Variants in CNTNAP2 observed in about 807,000 individuals in gnomAD.
CNTNAP2 encodes contactin associated protein 2, also known as contactin-associated protein-like 2.
In CNTNAP2, 98 loss-of-function variants were observed where a neutral mutation model predicts 155.2. That is an observed-to-expected ratio of 0.63 (90% CI 0.54 to 0.75). The LOEUF (loss-of-function observed/expected upper bound fraction) is 0.75, where lower values mean the gene tolerates loss of function less well. Ranked by LOEUF, CNTNAP2 falls within the 30% of genes least tolerant of loss-of-function variation. CNTNAP2 has a pLI of 0.00. For missense variants in CNTNAP2, 1,727 were observed against 1,688.1 expected (o/e 1.02, Z -0.40); for synonymous variants, 651 against 631.2 (o/e 1.03, Z -0.47).
At chr7:147,242,969 T>TTCCAC (rs1428592348) in intron 8 of CNTNAP2, among the ~76,000 whole-genome samples, 1 of 147,678 alleles carries the variant, frequency 6.8e-6, no homozygotes, top group Non-Finnish European at 1.5e-5. Context: ...GAATGTTGTA[T>TTCCAC]TCCACACTAT....
intron 11 of CNTNAP2, among the ~76,000 whole-genome samples, chr7:147,524,423 T>A (rs941053592): frequency 6.6e-6 from 1 of 152,196 alleles, no homozygotes; most frequent in African/African-American, 2.4e-5. Flanking sequence ...GGCTCTGTTA[T>A]GCCCTGGCAC....
At chr7:146,417,151 A>T (rs1452890080) in intron 1 of CNTNAP2, among the ~76,000 whole-genome samples, 1 of 152,130 alleles carries the variant, frequency 6.6e-6, no homozygotes, top group Non-Finnish European at 1.5e-5. Flanking sequence ...AGGCACTTTA[A>T]TTCTTGTCCA....
intron 15 of CNTNAP2, among the ~76,000 whole-genome samples, chr7:148,089,796 C>T (rs976813673): frequency 6.6e-5 from 10 of 151,620 alleles, no homozygotes; most frequent in Admixed American, 1.3e-4. Context: ...TCCTAAAATT[C>T]GTATGGAACC....
chr7:146,509,020 A>G (rs73741726), intron 1 of CNTNAP2, among the ~76,000 whole-genome samples: 3,807 of 152,224 alleles, frequency 0.025, 137 homozygotes, highest in African/African-American at 0.075. Flanking sequence ...AGCACCCTGC[A>G]CACAGATTGA....
At chr7:147,508,898 C>T (rs149237088) in intron 11 of CNTNAP2, among the ~76,000 whole-genome samples, 132 of 152,280 alleles carry the variant, frequency 8.7e-4, no homozygotes, top group Admixed American at 1.4e-3. Flanking sequence ...TTATAAATTA[C>T]TCAGTCTCGG....
intron 1 of CNTNAP2, among the ~76,000 whole-genome samples, chr7:146,677,238 A>G (rs1800416417): frequency 6.6e-6 from 1 of 152,310 alleles, no homozygotes; most frequent in East Asian, 1.9e-4. Context: ...TCCAGGTTAT[A>G]GGTGGATACA....
chr7:146,141,080 T>A (rs929443083), intron 1 of CNTNAP2, among the ~76,000 whole-genome samples: 7 of 152,224 alleles, frequency 4.6e-5, no homozygotes, highest in Admixed American at 3.9e-4. Context: ...ACTAATTTTC[T>A]AAATATAACT....
intron 9 of CNTNAP2, among the ~76,000 whole-genome samples, chr7:147,332,075 T>C (rs1795580398): frequency 6.6e-6 from 1 of 152,202 alleles, no homozygotes; most frequent in African/African-American, 2.4e-5. Flanking sequence ...AATGAGAACA[T>C]TGTTATTTGC....
At chr7:148,395,008 G>A (rs886972) in intron 22 of CNTNAP2, among the ~76,000 whole-genome samples, 26,347 of 151,862 alleles carry the variant, frequency 0.17, 2,469 homozygotes, top group South Asian at 0.3. Context: ...CTAGAAATTC[G>A]TGCATTTAAC....
intron 1 of CNTNAP2, among the ~76,000 whole-genome samples, chr7:146,718,961 G>C (rs73168714): frequency 6.6e-6 from 1 of 151,988 alleles, no homozygotes; most frequent in African/African-American, 2.4e-5. Flanking sequence ...TGTCCAATAC[G>C]CTAACTGAAA....
chr7:146,509,906 C>T (rs1329519738), intron 1 of CNTNAP2, among the ~76,000 whole-genome samples: 4 of 152,182 alleles, frequency 2.6e-5, no homozygotes, highest in Non-Finnish European at 5.9e-5. Context: ...TGTCCACCAC[C>T]ACCCATGTCT....
chr7:147,519,005 T>A (rs991858178), intron 11 of CNTNAP2, among the ~76,000 whole-genome samples: 62 of 128,558 alleles, frequency 4.8e-4, no homozygotes, highest in Non-Finnish European at 2.7e-4. Context: ...CACTCCAGCC[T>A]GGCGACAGAC....
At chr7:146,763,039 A>G (rs111226801) in intron 1 of CNTNAP2, among the ~76,000 whole-genome samples, 1,809 of 152,064 alleles carry the variant, frequency 0.012, 44 homozygotes, top group African/African-American at 0.041. Flanking sequence ...GGGAGCTACA[A>G]TTCAGATGCG....
At chr7:148,221,688 C>A (rs1017760399) in intron 19 of CNTNAP2, among the ~76,000 whole-genome samples, 1 of 152,218 alleles carries the variant, frequency 6.6e-6, no homozygotes, top group Non-Finnish European at 1.5e-5. Flanking sequence ...ACCCTGGCAT[C>A]ACTCACATTT....
chr7:147,316,592 A>G (rs748238472), intron 9 of CNTNAP2, among the ~76,000 whole-genome samples: 18 of 152,202 alleles, frequency 1.2e-4, no homozygotes, highest in Middle Eastern at 3.2e-3. Flanking sequence ...ATTAAAATCA[A>G]TTTATTAAGA....
At chr7:146,954,447 T>C (rs1349800454) in intron 3 of CNTNAP2, among the ~76,000 whole-genome samples, 1 of 151,892 alleles carries the variant, frequency 6.6e-6, no homozygotes, top group Non-Finnish European at 1.5e-5. Context: ...TGAACTATAA[T>C]GTGGAAAGAA....
intron 1 of CNTNAP2, among the ~76,000 whole-genome samples, chr7:146,374,188 A>G (rs1795274794): frequency 6.7e-6 from 1 of 149,854 alleles, no homozygotes; most frequent in African/African-American, 2.5e-5. Flanking sequence ...GTGATTATGA[A>G]AAAAAAAGTG....
chr7:146,967,810 C>T (rs1017357692), intron 3 of CNTNAP2, among the ~76,000 whole-genome samples: 2 of 151,930 alleles, frequency 1.3e-5, no homozygotes, highest in African/African-American at 4.8e-5. Context: ...TTTCCTTCTC[C>T]TGCCTAATTG....
At chr7:147,009,379 T>C (rs989627581) in intron 3 of CNTNAP2, among the ~76,000 whole-genome samples, 2 of 152,294 alleles carry the variant, frequency 1.3e-5, no homozygotes, top group Non-Finnish European at 2.9e-5. Flanking sequence ...ATATAATGTC[T>C]AACAAAATTG....
Sources: allele counts gnomAD v4.1 joint callset (sites outside exome capture counted in the v4.1 genomes callset), GRCh38; gene constraint gnomAD v4.1.1; transcripts MANE v1.5; gene names NCBI Gene and HGNC (gene_info 2026-07-23, HGNC 2026-07-21).